The following RGS12 variants were observed in gnomAD, a reference collection of about 807,000 sequenced individuals.
RGS12 encodes the protein regulator of G-protein signaling 12.
Under a neutral mutation model 120.1 loss-of-function variants are expected in RGS12, and 66 were observed. That is an observed-to-expected ratio of 0.55 (90% CI 0.45 to 0.67). The LOEUF is 0.67. Ranked by LOEUF, RGS12 falls within the 30% of genes least tolerant of loss-of-function variation. The probability of loss-of-function intolerance (pLI) is 0.00; values close to 1 mark genes in which losing one functional copy is unlikely to be tolerated. For synonymous variants in RGS12, 827 were observed against 804.7 expected (o/e 1.03, Z -0.47); for missense variants, 1,859 against 1,957.7 (o/e 0.95, Z 0.95).
At chr4:3,409,201 C>T (rs1721470343) in intron 4 of RGS12, among the ~76,000 whole-genome samples, 1 of 152,164 alleles carries the variant, frequency 6.6e-6, no homozygotes, top group African/African-American at 2.4e-5. Context: ...CATGTGGTTT[C>T]CTGTACACAG....
Position 3,329,191 on chromosome 4 carries a change from G to T in RGS12, c.1881+11140G>T, listed in dbSNP as rs1213564449. ...AGAATTGGAGAGCACCAGGGGGTCAGGTGGGTGGGAGGAGCCTTCACATTC... is the reference window on the plus strand; with the variant it reads ...AGAATTGGAGAGCACCAGGGGGTCATGTGGGTGGGAGGAGCCTTCACATTC... On this transcript the variant is annotated intron_variant, in intron 2 of 17. Coordinates refer to ENST00000336727, the MANE Select transcript of RGS12 (RefSeq NM_001394154.1). 7.9e-5 allele frequency among the ~76,000 whole-genome samples: 12 copies of T among 152,220 alleles called. 1 individual carries two copies. Among genetic ancestry groups the T allele is most frequent in the Admixed American group, 5.9e-4 (9 of 15,292 alleles).
intron 4 of RGS12, among the ~76,000 whole-genome samples, chr4:3,391,622 T>A (rs895682971): frequency 3.9e-5 from 6 of 152,142 alleles, no homozygotes; most frequent in Admixed American, 6.5e-5. Context: ...GGGGAAAAGA[T>A]AAAACAAACG....
At position 3,316,224 on chromosome 4, in the gene RGS12, A is replaced by G. The variant is rs113298998; in HGVS notation, c.54A>G (p.Pro18=). 0.011 allele frequency: 17,409 copies of G among 1,607,360 alleles called. 664 individuals carry two copies. The African/African-American group carries it at 0.13, about 12-fold the overall frequency. ...GCCCATTGCCTGGGCCGTCGCCCCC[A>G]AGGGTGCGGAGTGTGGAGGTTGCCC... ...SKRPLPGPSP[P]RVRSVEVARG... The change falls in exon 2 of 18, where the codon CCA becomes CCG. Residue 18 remains proline (P), a synonymous_variant. Coordinates refer to ENST00000336727, the MANE Select transcript of RGS12 (RefSeq NM_001394154.1).
intron 14 of RGS12, among the ~76,000 whole-genome samples, chr4:3,426,978 C>T (rs1365926668): frequency 1.3e-5 from 2 of 152,154 alleles, no homozygotes; most frequent in African/African-American, 2.4e-5. Flanking sequence ...GCAGGGAGCA[C>T]GTGGCTCACT....
At chr4:3,379,190 T>G (rs1013018528) in intron 3 of RGS12, among the ~76,000 whole-genome samples, 3 of 152,148 alleles carry the variant, frequency 2.0e-5, no homozygotes. Flanking sequence ...AGTAGATTGG[T>G]GCTTACCAGT....
chr4:3,362,747 GT>G, intron 3 of RGS12, among the ~76,000 whole-genome samples: 1 of 71,402 alleles, frequency 1.4e-5, no homozygotes, highest in African/African-American at 7.0e-5. Flanking sequence ...CTGTGTGAGG[GT>G]GTGTGTGAAG....
chr4:3,353,254 C>A (rs1002801221), intron 3 of RGS12, among the ~76,000 whole-genome samples: 1 of 152,130 alleles, frequency 6.6e-6, no homozygotes, highest in African/African-American at 2.4e-5. Context: ...TACTGCCTAG[C>A]CTATGTGAGA....
chr4:3,430,703 A>G lies in RGS12; in HGVS notation c.3862A>G (p.Thr1288Ala), dbSNP rs1577104416. The G allele has an allele frequency of 1.3e-6, 2 of 1,562,966 alleles. No individual in the cohort carries two copies. Among genetic ancestry groups the G allele is most frequent in the South Asian group, 1.2e-5 (1 of 83,922 alleles). Residue 1288 changes from threonine to alanine, a missense_variant, in exon 17 of 18, where the codon ACC becomes GCC. By Grantham distance (58) the Thr-to-Ala change is moderately conservative (BLOSUM62 0). This residue lies in a region of RGS12 where 517 missense variants were observed against 488.5 expected (regional missense o/e 1.06). Coordinates refer to ENST00000336727, the MANE Select transcript of RGS12 (RefSeq NM_001394154.1). ...CAGCCCCCCTGGACCTCCTGGGACG[A>G]CCCCCCCCGGGCAGAAGTCTCCCAG... ...ASSPPGPPGT[T>A]PPGQKSPSGP...
chr4:3,307,628 G>A (rs766159615), intron 1 of RGS12, among the ~76,000 whole-genome samples: 5 of 152,328 alleles, frequency 3.3e-5, no homozygotes, highest in Non-Finnish European at 4.4e-5. Flanking sequence ...CTCGGCAGGC[G>A]TGGATCGCGC....
At chr4:3,360,352 C>G (rs2108838724) in intron 3 of RGS12, among the ~76,000 whole-genome samples, 1 of 152,010 alleles carries the variant, frequency 6.6e-6, no homozygotes, top group South Asian at 2.1e-4. Flanking sequence ...TTTCTATTTT[C>G]TATTTCATTG....
At position 3,430,899 on chromosome 4, in the gene RGS12, G is replaced by C; in HGVS notation, c.4058G>C (p.Ser1353Thr). 1 of 1,612,804 alleles carries C rather than the reference G, an allele frequency of 6.2e-7. No homozygotes were observed. Among genetic ancestry groups the C allele is most frequent in the Non-Finnish European group, 8.5e-7 (1 of 1,179,942 alleles). The stretch of plus-strand genomic sequence containing the variant: ...GAGGGGGACATCAGCAGCCCCAACA[G>C]CACCTTGCTGCCGCCGCCCTCCACC... Reference protein sequence around the residue: ...MGEGDISSPNSTLLPPPSTPQ... With the variant: ...MGEGDISSPNTTLLPPPSTPQ... Residue 1353 changes from serine (S) to threonine (T), a missense_variant, in exon 17 of 18, where the codon AGC (serine) becomes ACC (threonine). Physicochemically the swap from Ser to Thr is moderately conservative, Grantham distance 58. Around this residue, in one of 3 missense-constraint regions of RGS12, gnomAD observed 517 missense variants for 488.5 expected, o/e 1.06. Coordinates refer to ENST00000336727, the MANE Select transcript of RGS12 (RefSeq NM_001394154.1).
At chr4:3,312,102 G>C (rs1724438845) in intron 1 of RGS12, among the ~76,000 whole-genome samples, 1 of 152,190 alleles carries the variant, frequency 6.6e-6, no homozygotes, top group African/African-American at 2.4e-5. Context: ...GAGTCCCTGG[G>C]AGGTGCAGGG....
chr4:3,406,777 A>C (rs149967841), intron 4 of RGS12, among the ~76,000 whole-genome samples: 1 of 151,704 alleles, frequency 6.6e-6, no homozygotes, highest in Admixed American at 6.6e-5. Context: ...TGGGTGTGGC[A>C]CCCCACCTCG....
At chr4:3,377,013 CTTTT>C (rs772104697) in intron 3 of RGS12, among the ~76,000 whole-genome samples, 6 of 139,912 alleles carry the variant, frequency 4.3e-5, no homozygotes, top group Non-Finnish European at 3.2e-5. Flanking sequence ...TTGTTAAATT[CTTTT>C]TTTTTTTTTT....
chr4:3,411,710 TGAG>T (rs371526336), intron 4 of RGS12, among the ~76,000 whole-genome samples: 172 of 152,338 alleles, frequency 1.1e-3, no homozygotes, highest in African/African-American at 3.7e-3. Context: ...GTGTGCAAGT[TGAG>T]TGTGTGTGAG....
chr4:3,428,484 AC>A (rs1403005109), intron 15 of RGS12, 73 bp from the exon 16 acceptor site: 8 of 1,289,076 alleles, frequency 6.2e-6, no homozygotes, highest in Non-Finnish European at 8.6e-6. Context: ...AGAGCCTTCT[AC>A]TCTCTAACTA....
chr4:3,420,102 G>A (rs554206816), intron 9 of RGS12, among the ~76,000 whole-genome samples: 71 of 152,324 alleles, frequency 4.7e-4, no homozygotes, highest in Admixed American at 1.5e-3. Context: ...GTTGAGGTTG[G>A]TGAAAATTGA....
the RGS12 span, among the ~76,000 whole-genome samples, chr4:3,286,151 CAACT>C: frequency 5.6e-4 from 85 of 152,326 alleles, 4 homozygotes; most frequent in Non-Finnish European, 1.3e-4. Flanking sequence ...GGAGGGTCAC[CAACT>C]GTCTGTTTTG....
Position 3,317,130 on chromosome 4 carries a change from T to C in RGS12, c.960T>C (p.Asn320=). 6.2e-7 allele frequency: 1 copy of C among 1,613,866 alleles called. No individual in the cohort carries two copies. The highest frequency in any genetic ancestry group is 8.5e-7 in the Non-Finnish European group (1 of 1,179,990). The change falls in exon 2 of 18, where the codon AAT becomes AAC. Residue 320 remains asparagine (N), a synonymous_variant. Coordinates refer to ENST00000336727, the MANE Select transcript of RGS12 (RefSeq NM_001394154.1). ...TCGGGTTGGTTACCATGCAGACGAA[T>C]GACGACGGGAGCCTGGCCCAGGAGG... ...RFFGLVTMQT[N]DDGSLAQEEE...
Sources: allele counts gnomAD v4.1 joint callset (sites outside exome capture counted in the v4.1 genomes callset), GRCh38; gene constraint gnomAD v4.1.1; regional missense constraint gnomAD v4.1.1; transcripts MANE v1.5; gene names NCBI Gene and HGNC (gene_info 2026-07-23, HGNC 2026-07-21).